Variants in PCBP3 observed in about 807,000 individuals in gnomAD.
PCBP3 encodes poly(rC)-binding protein 3.
PCBP3 carries 25 observed loss-of-function variants against 52.7 expected under a neutral mutation model. The ratio of observed to expected loss-of-function variants is 0.47; its 90% CI spans 0.35 to 0.66. PCBP3 has a LOEUF of 0.66. PCBP3 is among the 30% of genes least tolerant of loss of function. The pLI is 0.01. For synonymous variants in PCBP3, 162 were observed against 183.0 expected (o/e 0.89, Z 0.93); for missense variants, 391 against 490.3 (o/e 0.80, Z 1.91).
chr21:45,868,064 G>A (rs974353275), intron 5 of PCBP3, among the ~76,000 whole-genome samples: 5 of 152,284 alleles, frequency 3.3e-5, no homozygotes, highest in African/African-American at 1.2e-4. Flanking sequence ...GGCCCGTCCG[G>A]AATTAGTGGC....
chr21:45,815,107 AGTGG>A (rs2092853792), intron 4 of PCBP3, among the ~76,000 whole-genome samples: 1 of 87,032 alleles, frequency 1.1e-5, no homozygotes, highest in Non-Finnish European at 2.3e-5. Context: ...GTGAGTGGTG[AGTGG>A]TGAGTGAGTG....
intron 11 of PCBP3, chr21:45,911,231 C>A: frequency 1.5e-6 from 1 of 671,786 alleles, no homozygotes; most frequent in South Asian, 1.6e-5. Context: ...GCTCAGGGTC[C>A]AGTGTCTTCG....
At chr21:45,745,341 C>T (rs778233789) in intron 3 of PCBP3, among the ~76,000 whole-genome samples, 86 of 152,156 alleles carry the variant, frequency 5.7e-4, no homozygotes, top group African/African-American at 2.0e-3. Flanking sequence ...TTCCCAGACC[C>T]ACCAGCTTTA....
intron 13 of PCBP3, among the ~76,000 whole-genome samples, chr21:45,929,573 T>G (rs1241461851): frequency 6.6e-6 from 1 of 152,252 alleles, no homozygotes; most frequent in Non-Finnish European, 1.5e-5. Flanking sequence ...CTGTGGCTCC[T>G]GGACTCCCCC....
rs2085893209 is a variant in PCBP3 at position 45,736,686 on chromosome 21, A to G, written c.-162+1257A>G. ...GGTGACTGGAATCCTGACTAATATC[A>G]TAAGAGGAGAGTTCTTACTAACAAA... On this transcript the variant is annotated intron_variant, in intron 3 of 17. Coordinates refer to ENST00000681687, the MANE Select transcript of PCBP3 (RefSeq NM_001384156.1). This position sits in a 1 kb window ranked among gnomAD's most constrained non-coding sequence, Gnocchi z 4.6. Among the ~76,000 whole-genome samples the G allele has an allele frequency of 6.6e-5, 10 of 152,270 alleles. 1 individual carries two copies. In the South Asian group the frequency reaches 2.1e-3, roughly 32 times the overall value.
intron 15 of PCBP3, among the ~76,000 whole-genome samples, chr21:45,931,284 T>C (rs1303973612): frequency 2.0e-5 from 3 of 152,234 alleles, no homozygotes; most frequent in African/African-American, 7.2e-5. Flanking sequence ...ACACAGTTGT[T>C]TGCCTGGGGC....
At chr21:45,768,690 TG>T (rs1236834858) in intron 4 of PCBP3, among the ~76,000 whole-genome samples, 1 of 152,248 alleles carries the variant, frequency 6.6e-6, no homozygotes, top group Admixed American at 6.5e-5. Context: ...TGCATGAAGC[TG>T]ATGGCTCTGC....
At chr21:45,706,138 C>T (rs552092419) in intron 2 of PCBP3, among the ~76,000 whole-genome samples, 1 of 152,324 alleles carries the variant, frequency 6.6e-6, no homozygotes, top group Admixed American at 6.5e-5. Flanking sequence ...TTTGAACAAA[C>T]TTTCTCCTCC....
intron 4 of PCBP3, chr21:45,760,113 A>G (rs1187947273): frequency 6.6e-6 from 1 of 152,210 alleles, no homozygotes; most frequent in Non-Finnish European, 1.5e-5. Flanking sequence ...AAATAAATAC[A>G]TTTTATACAA....
intron 2 of PCBP3, among the ~76,000 whole-genome samples, chr21:45,729,719 A>C (rs1309108526): frequency 6.6e-6 from 1 of 152,096 alleles, no homozygotes; most frequent in African/African-American, 2.4e-5. Context: ...GGTCAGTGCA[A>C]CTAGATATTT....
At chr21:45,868,360 C>T (rs1292303031) in intron 5 of PCBP3, among the ~76,000 whole-genome samples, 1 of 151,828 alleles carries the variant, frequency 6.6e-6, no homozygotes, top group Non-Finnish European at 1.5e-5. Flanking sequence ...CTCTGCGCCG[C>T]CGAATCTCAG....
chr21:45,930,897 C>T (rs1459768204), intron 15 of PCBP3, 52 bp downstream of exon 15: 1 of 1,607,388 alleles, frequency 6.2e-7, no homozygotes, highest in South Asian at 1.1e-5. Context: ...CAGAGCAGAG[C>T]CCCAGTGGGA....
chr21:45,822,788 A>G (rs115288321), intron 4 of PCBP3, among the ~76,000 whole-genome samples: 3,022 of 152,208 alleles, frequency 0.02, 105 homozygotes, highest in African/African-American at 0.068. Context: ...GGTTTTGGTG[A>G]CCTTGACTGT....
chr21:45,920,049 G>GC (rs1556354641), intron 13 of PCBP3, among the ~76,000 whole-genome samples: 5 of 52,606 alleles, frequency 9.5e-5, no homozygotes, highest in African/African-American at 7.4e-4. Flanking sequence ...AGGTTCCAAA[G>GC]GGGGGGTCAC....
rs1410673847 is a variant in PCBP3 at position 45,736,585 on chromosome 21, G to T, written c.-162+1156G>T. ...GAGGCCCTCGGAGAGATGGCATGGG[G>T]AGTTGGCAGGGGGAGGCTCTCGGAG... On this transcript the variant is annotated intron_variant, in intron 3 of 17. Coordinates refer to ENST00000681687, the MANE Select transcript of PCBP3 (RefSeq NM_001384156.1). This position sits in a 1 kb window ranked among gnomAD's most constrained non-coding sequence, Gnocchi z 4.6. Among the ~76,000 whole-genome samples, 2 of 152,162 alleles carry T rather than the reference G, an allele frequency of 1.3e-5. No individual in the cohort carries two copies. The highest frequency in any genetic ancestry group is 4.8e-5 in the African/African-American group (2 of 41,436).
At position 45,829,667 on chromosome 21, in the gene PCBP3, AG is replaced by A. The variant is rs1369410147; in HGVS notation, c.-125-20292del. 6.6e-6 allele frequency: 1 copy of A among 152,262 alleles called. No individual in the cohort carries two copies. Among genetic ancestry groups the A allele is most frequent in the African/African-American group, 2.4e-5 (1 of 41,452 alleles). The allele number at this position is 152,262 out of a possible 1,614,324, so 9.4% of individuals were successfully genotyped here. A position where few individuals can be genotyped will look rare whatever the true frequency, so the allele number is the denominator to read the frequency against. ...CCCCACCTGAAGAGCAAAGTTCTGA[AG>A]GACAAGTGGCTGTTAATGCCGTGCA... On this transcript the variant is annotated intron_variant, in intron 4 of 17. Coordinates refer to ENST00000681687, the MANE Select transcript of PCBP3 (RefSeq NM_001384156.1). The surrounding 1 kb of genome is among the most constrained non-coding windows in gnomAD (Gnocchi z 5.2).
At chr21:45,859,308 T>C (rs62211891) in intron 5 of PCBP3, among the ~76,000 whole-genome samples, 298 of 13,230 alleles carry the variant, frequency 0.023, 2 homozygotes, top group African/African-American at 0.11. Flanking sequence ...CGGGAGGCGC[T>C]GTGCAGCAGA....
intron 3 of PCBP3, among the ~76,000 whole-genome samples, chr21:45,744,885 C>T (rs117953000): frequency 0.02 from 2,983 of 152,146 alleles, 39 homozygotes; most frequent in Middle Eastern, 0.044. Flanking sequence ...GAGGACTATT[C>T]TTTTGTTGTT....
intron 4 of PCBP3, among the ~76,000 whole-genome samples, chr21:45,835,314 G>A (rs1044677956): frequency 6.6e-5 from 10 of 152,122 alleles, no homozygotes; most frequent in African/African-American, 2.2e-4. Context: ...GCCCCACTCC[G>A]GAGGCTTAGC....
Sources: allele counts gnomAD v4.1 joint callset (sites outside exome capture counted in the v4.1 genomes callset), GRCh38; gene constraint gnomAD v4.1.1; non-coding constraint Gnocchi (gnomAD v3.1); transcripts MANE v1.5; gene names NCBI Gene and HGNC (gene_info 2026-07-23, HGNC 2026-07-21).